Variants in MSRB3 observed in about 807,000 individuals in gnomAD.
MSRB3 encodes the protein methionine-R-sulfoxide reductase B3.
A neutral mutation model predicts 21.0 loss-of-function variants in MSRB3; 13 were observed. The observed-to-expected ratio is 0.62, with a 90% confidence interval of 0.40 to 0.98. MSRB3 has a LOEUF of 0.98. Among genes scored for constraint, MSRB3 ranks in the 50% least tolerant of loss-of-function variants. The pLI is 0.00. For synonymous variants in MSRB3, 87 were observed against 88.6 expected (o/e 0.98, Z 0.10); for missense variants, 199 against 230.3 (o/e 0.86, Z 0.88).
intron 5 of MSRB3, among the ~76,000 whole-genome samples, chr12:65,369,675 G>A (rs1376549062): frequency 1.3e-5 from 2 of 152,206 alleles, no homozygotes; most frequent in Admixed American, 1.3e-4. Context: ...TGAGATTTAT[G>A]TGCTTCAAAG....
intron 5 of MSRB3, among the ~76,000 whole-genome samples, chr12:65,416,352 T>G (rs1880972375): frequency 6.6e-6 from 1 of 152,210 alleles, no homozygotes; most frequent in Non-Finnish European, 1.5e-5. Flanking sequence ...TCCTGGAATT[T>G]GAAAAACACC....
At chr12:65,426,944 T>A (rs1881628266) in intron 5 of MSRB3, among the ~76,000 whole-genome samples, 1 of 152,334 alleles carries the variant, frequency 6.6e-6, no homozygotes, top group African/African-American at 2.4e-5. Context: ...GTTTTCCTAA[T>A]CTTATGGAAT....
intron 4 of MSRB3, among the ~76,000 whole-genome samples, chr12:65,348,232 G>A (rs910815263): frequency 2.0e-5 from 3 of 152,084 alleles, no homozygotes; most frequent in Non-Finnish European, 4.4e-5. Context: ...TTTTTGGTTG[G>A]TAAGCTATTA....
chr12:65,341,315 C>T (rs377011624), intron 4 of MSRB3, among the ~76,000 whole-genome samples: 9 of 152,118 alleles, frequency 5.9e-5, no homozygotes, highest in East Asian at 5.8e-4. Flanking sequence ...GAAAGACAAA[C>T]ATCACATGTT....
chr12:65,390,765 G>GA (rs935673957), intron 5 of MSRB3, among the ~76,000 whole-genome samples: 3 of 152,172 alleles, frequency 2.0e-5, no homozygotes, highest in South Asian at 2.1e-4. Context: ...TCTCTACATG[G>GA]AAAAAATCCA....
chr12:65,301,826 A>G (rs1455002330), intron 1 of MSRB3, among the ~76,000 whole-genome samples: 4 of 152,188 alleles, frequency 2.6e-5, no homozygotes, highest in Non-Finnish European at 2.9e-5. Context: ...GATTTTCTTC[A>G]CGTATGTACT....
intron 4 of MSRB3, among the ~76,000 whole-genome samples, chr12:65,351,439 A>G (rs1220881818): frequency 7.0e-6 from 1 of 143,768 alleles, no homozygotes; most frequent in Non-Finnish European, 1.5e-5. Context: ...AAAAGCTAGC[A>G]GAAGGCAAGA....
intron 5 of MSRB3, among the ~76,000 whole-genome samples, chr12:65,392,497 TACTG>T (rs1879537630): frequency 6.6e-6 from 1 of 152,250 alleles, no homozygotes; most frequent in African/African-American, 2.4e-5. Context: ...GCTAGTCCTT[TACTG>T]ACTGTGTCTC....
At chr12:65,377,314 T>C (rs1451629125) in intron 5 of MSRB3, among the ~76,000 whole-genome samples, 1 of 152,198 alleles carries the variant, frequency 6.6e-6, no homozygotes, top group African/African-American at 2.4e-5. Flanking sequence ...AGAGTCTTGC[T>C]CTGTTGCCCA....
At chr12:65,457,305 T>C (rs937803458) in intron 6 of MSRB3, among the ~76,000 whole-genome samples, 65 of 152,106 alleles carry the variant, frequency 4.3e-4, no homozygotes, top group African/African-American at 1.5e-3. Flanking sequence ...CGTGCCATGG[T>C]GGTTTGCTGC....
intron 5 of MSRB3, among the ~76,000 whole-genome samples, chr12:65,437,168 C>G (rs1252184876): frequency 6.6e-6 from 1 of 151,732 alleles, no homozygotes; most frequent in East Asian, 1.9e-4. Context: ...GCCCCGTGGA[C>G]TAAGGGGCCA....
At chr12:65,418,987 A>T (rs1881130139) in intron 5 of MSRB3, 1 of 709,042 alleles carries the variant, frequency 1.4e-6, no homozygotes, top group East Asian at 2.7e-5. Context: ...CTCCAGGTGC[A>T]GCAGGATCCC....
chr12:65,439,294 TTAGAAA>T (rs1334637951), intron 5 of MSRB3, among the ~76,000 whole-genome samples: 4 of 151,598 alleles, frequency 2.6e-5, no homozygotes, highest in Non-Finnish European at 5.9e-5. Context: ...AATAAGAATC[TTAGAAA>T]TGAAAGAAAA....
chr12:65,378,649 T>C (rs956399735), intron 5 of MSRB3, among the ~76,000 whole-genome samples: 1 of 152,226 alleles, frequency 6.6e-6, no homozygotes, highest in Non-Finnish European at 1.5e-5. Context: ...GTTAATGGCC[T>C]TGGTGAATTT....
intron 4 of MSRB3, among the ~76,000 whole-genome samples, chr12:65,356,941 T>A (rs1199105558): frequency 2.0e-5 from 3 of 151,958 alleles, no homozygotes; most frequent in Non-Finnish European, 4.4e-5. Context: ...AGTATCCTTA[T>A]GATTTTTTTA....
chr12:65,359,532 A>T (rs1877586214), intron 4 of MSRB3, among the ~76,000 whole-genome samples: 1 of 152,102 alleles, frequency 6.6e-6, no homozygotes, highest in African/African-American at 2.4e-5. Context: ...TGTACACAAC[A>T]CCAATCTTGA....
intron 4 of MSRB3, among the ~76,000 whole-genome samples, chr12:65,357,489 G>A (rs1206930658): frequency 6.6e-6 from 1 of 151,836 alleles, no homozygotes; most frequent in East Asian, 1.9e-4. Context: ...ACATTAGTGT[G>A]GAATATTTGT....
chr12:65,409,561 A>G (rs1411556468), intron 5 of MSRB3, among the ~76,000 whole-genome samples: 2 of 152,174 alleles, frequency 1.3e-5, no homozygotes, highest in Admixed American at 6.5e-5. Flanking sequence ...CTGAAATGTC[A>G]TTATGTGGCA....
chr12:65,288,611 T>C (rs968205567), intron 1 of MSRB3, among the ~76,000 whole-genome samples: 1 of 152,180 alleles, frequency 6.6e-6, no homozygotes, highest in Non-Finnish European at 1.5e-5. Context: ...TCATATTAAA[T>C]ATCCCATCTG....
Sources: gnomAD v4.1 joint callset for allele counts (sites outside exome capture counted in the v4.1 genomes callset) on GRCh38, gnomAD v4.1.1 for gene constraint, MANE v1.5 for transcripts, NCBI Gene and HGNC (gene_info 2026-07-23, HGNC 2026-07-21) for gene names.